RELL1: variants seen among roughly 807,000 people sequenced by gnomAD.
RELL1 encodes RELT like 1, also known as RELT-like protein 1.
Under a neutral mutation model 23.0 loss-of-function variants are expected in RELL1, and 10 were observed. The ratio of observed to expected loss-of-function variants is 0.43; its 90% CI spans 0.27 to 0.74. RELL1 has a LOEUF of 0.74. Ranked by LOEUF, RELL1 falls within the 30% of genes least tolerant of loss-of-function variation. RELL1 has a pLI of 0.19. For synonymous variants in RELL1, 146 were observed against 146.8 expected (o/e 0.99, Z 0.04); for missense variants, 315 against 364.4 (o/e 0.86, Z 1.10).
chr4:37,650,578 G>A (rs538779783), intron 1 of RELL1, among the ~76,000 whole-genome samples: 1 of 152,236 alleles, frequency 6.6e-6, no homozygotes, highest in African/African-American at 2.4e-5. Flanking sequence ...GAACAGTGGG[G>A]ATCTACTTTA....
At chr4:37,614,265 G>C (rs996901996) in intron 6 of RELL1, among the ~76,000 whole-genome samples, 3 of 151,818 alleles carry the variant, frequency 2.0e-5, no homozygotes, top group African/African-American at 7.3e-5. Context: ...ATATTCAATG[G>C]TATATTCAAT....
chr4:37,681,729 A>G (rs1294239376), intron 1 of RELL1, among the ~76,000 whole-genome samples: 1 of 152,066 alleles, frequency 6.6e-6, no homozygotes, highest in African/African-American at 2.4e-5. Context: ...GGGTTTCACC[A>G]TATTGGCCAG....
chr4:37,604,914 CACACAG>C (rs1719144301), intron 6 of RELL1, among the ~76,000 whole-genome samples: 1 of 41,964 alleles, frequency 2.4e-5, no homozygotes, highest in African/African-American at 6.3e-5. Flanking sequence ...CACACACACA[CACACAG>C]ACACACACAC....
downstream of RELL1, chr4:37,590,448 C>A: frequency 6.2e-7 from 1 of 1,610,414 alleles, no homozygotes; most frequent in South Asian, 1.1e-5. Context: ...ATACTGTTCC[C>A]CCAACTCAAC....
At chr4:37,679,151 T>G (rs1722121744) in intron 1 of RELL1, among the ~76,000 whole-genome samples, 1 of 152,062 alleles carries the variant, frequency 6.6e-6, no homozygotes, top group East Asian at 1.9e-4. Context: ...ATCCCTTGGG[T>G]AGATTCAGTT....
Position 37,686,338 on chromosome 4 carries a change from G to A in RELL1, c.-51C>T, listed in dbSNP as rs751790041. 55 of 1,402,314 alleles carry A rather than the reference G, an allele frequency of 3.9e-5. No individual in the cohort carries two copies. The South Asian group carries it at 4.4e-4, about 11-fold the overall frequency. The allele number at this position is 1,402,314 out of a possible 1,614,324, so 86.9% of individuals were successfully genotyped here. A position where few individuals can be genotyped will look rare whatever the true frequency, so the allele number is the denominator to read the frequency against. Reference sequence around the variant, plus strand: ...CCAGGGCGCCGCGTCCCGCGCTCGGGAAGGCAGAGCCGCTCCGGAGCCGGC... The same window carrying A: ...CCAGGGCGCCGCGTCCCGCGCTCGGAAAGGCAGAGCCGCTCCGGAGCCGGC... On this transcript the variant is annotated 5_prime_UTR_variant, in exon 1 of 7. Transcript: ENST00000454158.
chr4:37,604,806 CACAG>C (rs1719116085), intron 6 of RELL1, among the ~76,000 whole-genome samples: 1 of 48,944 alleles, frequency 2.0e-5, no homozygotes, highest in Non-Finnish European at 5.5e-5. Flanking sequence ...CAGACACACA[CACAG>C]ACACACACAC....
At chr4:37,681,248 T>G (rs918490118) in intron 1 of RELL1, among the ~76,000 whole-genome samples, 3 of 152,214 alleles carry the variant, frequency 2.0e-5, no homozygotes, top group Non-Finnish European at 2.9e-5. Context: ...GTTTAATATA[T>G]GTGGTCCACA....
At chr4:37,651,931 G>T (rs914957940) in intron 1 of RELL1, among the ~76,000 whole-genome samples, 3 of 152,188 alleles carry the variant, frequency 2.0e-5, no homozygotes, top group African/African-American at 7.2e-5. Context: ...AAGAGCTTGG[G>T]AACTGCTGAA....
At chr4:37,606,191 G>A (rs13116780), downstream of RELL1, among the ~76,000 whole-genome samples, 46,830 of 114,332 alleles carry the variant, frequency 0.41, 9,358 homozygotes, top group Non-Finnish European at 0.56. This position sits in a 1 kb window ranked among gnomAD's most constrained non-coding sequence, Gnocchi z 4.1. Flanking sequence ...AAGAAAGAAA[G>A]AGAAAGAAGA....
At chr4:37,625,769 C>CA (rs1403941551) in intron 6 of RELL1, among the ~76,000 whole-genome samples, 2 of 151,854 alleles carry the variant, frequency 1.3e-5, no homozygotes, top group African/African-American at 2.4e-5. Context: ...ATCCTCACCA[C>CA]AAAAAAATGA....
At chr4:37,604,910 C>CATACACACAG (rs1560323997) in intron 6 of RELL1, among the ~76,000 whole-genome samples, 2 of 58,872 alleles carry the variant, frequency 3.4e-5, no homozygotes, top group African/African-American at 6.0e-5. Flanking sequence ...GACACACACA[C>CATACACACAG]ACACACACAG....
At chr4:37,605,915 AAGGGAGGG>A (rs60769087), downstream of RELL1, among the ~76,000 whole-genome samples, 2 of 140,450 alleles carry the variant, frequency 1.4e-5, no homozygotes, top group Non-Finnish European at 3.1e-5. Flanking sequence ...AAGAGGAAGG[AAGGGAGGG>A]AGGGAGAGAG....
intron 1 of RELL1, among the ~76,000 whole-genome samples, chr4:37,651,312 GGA>G (rs1720931476): frequency 6.6e-6 from 1 of 152,034 alleles, no homozygotes; most frequent in African/African-American, 2.4e-5. Context: ...GGAAAAATGA[GGA>G]GAGAAATACA....
chr4:37,651,035 G>A lies in RELL1; in HGVS notation c.89-1535C>T, dbSNP rs189378610. Among the ~76,000 whole-genome samples, 178 of 148,200 alleles carry A rather than the reference G, an allele frequency of 1.2e-3. No homozygotes were observed. In the Middle Eastern group the frequency reaches 0.021, roughly 17 times the overall value. On this transcript the variant is annotated intron_variant, in intron 1 of 6. Coordinates refer to ENST00000454158, the MANE Select transcript of RELL1 (RefSeq NM_001085400.2). ...GAAGTGCACCACTGCACTTCAGCCTGGGTGACAGAGCAAGACTGTCTCAAA... is the reference window on the plus strand; with the variant it reads ...GAAGTGCACCACTGCACTTCAGCCTAGGTGACAGAGCAAGACTGTCTCAAA...
chr4:37,677,065 A>G (rs1386968915), intron 1 of RELL1, among the ~76,000 whole-genome samples: 1 of 152,230 alleles, frequency 6.6e-6, no homozygotes, highest in Non-Finnish European at 1.5e-5. Flanking sequence ...CAAGATGACC[A>G]TCAAAGTCCC....
chr4:37,590,230 C>A (rs755402143), downstream of RELL1: 5 of 1,614,220 alleles, frequency 3.1e-6, no homozygotes, highest in Middle Eastern at 6.6e-4. Context: ...CCCTCAGAGG[C>A]AGGGCTCAAA....
At chr4:37,604,366 G>A (rs966182840) in intron 6 of RELL1, among the ~76,000 whole-genome samples, 1 of 151,728 alleles carries the variant, frequency 6.6e-6, no homozygotes, top group Admixed American at 6.6e-5. Context: ...AATCGGGATT[G>A]GAGGAATTCT....
chr4:37,616,322 G>GT (rs2109236955), intron 6 of RELL1, among the ~76,000 whole-genome samples: 1 of 152,312 alleles, frequency 6.6e-6, no homozygotes, highest in Non-Finnish European at 1.5e-5. Flanking sequence ...ATCCCAGGCA[G>GT]TAAGACCTGG....
Sources: allele counts gnomAD v4.1 joint callset (sites outside exome capture counted in the v4.1 genomes callset), GRCh38; gene constraint gnomAD v4.1.1; non-coding constraint Gnocchi (gnomAD v3.1); transcripts MANE v1.5; gene names NCBI Gene and HGNC (gene_info 2026-07-23, HGNC 2026-07-21).